Variants in ZNF444 observed in about 807,000 individuals in gnomAD.
The protein encoded by ZNF444 is endothelial zinc finger protein 2.
In ZNF444, 8 loss-of-function variants were observed where a neutral mutation model predicts 14.4. The observed-to-expected ratio is 0.56, with a 90% CI of 0.33 to 1.00. ZNF444 has a LOEUF of 1.00. ZNF444 is among the 50% of genes least tolerant of loss of function. ZNF444 has a pLI of 0.03. For missense variants in ZNF444, 510 were observed against 504.8 expected (o/e 1.01, Z -0.10); for synonymous variants, 258 against 235.9 (o/e 1.09, Z -0.86).
At position 56,144,361 on chromosome 19, in the gene ZNF444, T is replaced by C. The variant is rs575489732; in HGVS notation, c.-196-1886T>C. On this transcript the variant is annotated intron_variant, in intron 1 of 4. Coordinates refer to ENST00000337080, the MANE Select transcript of ZNF444 (RefSeq NM_018337.4). This position sits in a 1 kb window ranked among gnomAD's most constrained non-coding sequence, Gnocchi z 4.0. ...TCCATTGTGGCTGGAGTATAGAGAA[T>C]CTGGGAGCAGGCAGAGATGAGAAAG... Among the ~76,000 whole-genome samples the C allele has an allele frequency of 1.9e-4, 28 of 150,614 alleles. No individual in the cohort carries two copies. The highest frequency in any genetic ancestry group is 6.6e-4 in the African/African-American group (27 of 41,116).
At chr19:56,146,751 C>A in intron 2 of ZNF444, 139 bp from the exon 3 acceptor site, 2 of 652,716 alleles carry the variant, frequency 3.1e-6, no homozygotes, top group African/African-American at 1.9e-5. Flanking sequence ...TCCGCCACTG[C>A]ACTCCAACCT....
At chr19:56,157,537 T>G (rs2031986268) in intron 3 of ZNF444, 1 of 152,210 alleles carries the variant, frequency 6.6e-6, no homozygotes, top group Admixed American at 6.6e-5. Flanking sequence ...CCGAGTAGCT[T>G]TGATTACAGG....
chr19:56,156,642 G>GA (rs1472035371), intron 3 of ZNF444: 1 of 152,296 alleles, frequency 6.6e-6, no homozygotes, highest in African/African-American at 2.4e-5. Flanking sequence ...AGGTCAGGGA[G>GA]AGACTCTTTT....
At chr19:56,134,116 G>C (rs544994006) in intron 1 of ZNF444, among the ~76,000 whole-genome samples, 3 of 151,860 alleles carry the variant, frequency 2.0e-5, no homozygotes, top group Admixed American at 6.6e-5. Context: ...TCACTCATGC[G>C]TCCATCATCC....
At position 56,145,151 on chromosome 19, in the gene ZNF444, C is replaced by T. The variant is rs916711375; in HGVS notation, c.-196-1096C>T. Among the ~76,000 whole-genome samples the T allele has an allele frequency of 6.6e-6, 1 of 152,226 alleles. No individual in the cohort carries two copies. The highest frequency in any genetic ancestry group is 1.9e-4 in the East Asian group (1 of 5,200). ...CTCAGAGACCACCATTTCTCAAATG[C>T]TTTGAAGTCAGGACTCCTTTCTGCC... On this transcript the variant is annotated intron_variant, in intron 1 of 4. Coordinates refer to ENST00000337080, the MANE Select transcript of ZNF444 (RefSeq NM_018337.4). This position sits in a 1 kb window ranked among gnomAD's most constrained non-coding sequence, Gnocchi z 4.3.
In ZNF444 at chr19:56,159,929, C is replaced by A; in HGVS notation, c.712C>A (p.Pro238Thr). The A allele has an allele frequency of 6.7e-7, 1 of 1,497,576 alleles. No individual in the cohort carries two copies. 92.8% of individuals were successfully genotyped at this position (1,497,576 alleles called of 1,614,324 possible). Reference sequence around the variant, plus strand: ...CCCCGGCAGCCCCGGCAGCCCCGGGCCCGCGCTGCGCCCTCTGCCCGCCCG... The same window carrying A: ...CCCCGGCAGCCCCGGCAGCCCCGGGACCGCGCTGCGCCCTCTGCCCGCCCG... Reference protein sequence around the residue: ...THPGSPGSPGPALRPLPAREK... With the variant: ...THPGSPGSPGTALRPLPAREK... The change falls in exon 5 of 5, where the codon CCC becomes ACC. Residue 238 changes from proline to threonine, a missense_variant. Coordinates refer to ENST00000337080, the MANE Select transcript of ZNF444 (RefSeq NM_018337.4).
intron 4 of ZNF444, among the ~76,000 whole-genome samples, chr19:56,158,980 T>C (rs2032083539): frequency 6.6e-6 from 1 of 151,550 alleles, no homozygotes; most frequent in South Asian, 2.1e-4. Flanking sequence ...CACCCATCTA[T>C]CCATGACCCA....
At chr19:56,159,121 ATCCG>A (rs1016903534) in intron 4 of ZNF444, among the ~76,000 whole-genome samples, 16 of 145,176 alleles carry the variant, frequency 1.1e-4, no homozygotes, top group African/African-American at 3.4e-4. Context: ...TCCATCACCC[ATCCG>A]TCCATCTAGT....
At position 56,159,771 on chromosome 19, in the gene ZNF444, G is replaced by A; in HGVS notation, c.554G>A (p.Gly185Asp). The A allele has an allele frequency of 6.3e-7, 1 of 1,593,260 alleles. No homozygotes were observed. The highest frequency in any genetic ancestry group is 1.1e-5 in the South Asian group (1 of 88,758). Residue 185 changes from glycine to aspartate, a missense_variant, in exon 5 of 5, where the codon GGC (glycine) becomes GAC (aspartate). By Grantham distance (94) the Gly-to-Asp change is moderately conservative. Coordinates refer to ENST00000337080, the MANE Select transcript of ZNF444 (RefSeq NM_018337.4). ...APGTTSCPEC[G>D]KTSLKPAHLL... ...GGCACCACGTCCTGCCCCGAGTGCG[G>A]CAAAACGTCCCTGAAACCAGCTCAC...
chr19:56,143,752 C>T (rs114819371), intron 1 of ZNF444, among the ~76,000 whole-genome samples: 5 of 152,224 alleles, frequency 3.3e-5, no homozygotes, highest in African/African-American at 1.2e-4. Flanking sequence ...AGTCAGCACA[C>T]AGATATCGTA....
chr19:56,139,241 A>G, upstream of ZNF444, among the ~76,000 whole-genome samples: 1 of 152,118 alleles, frequency 6.6e-6, no homozygotes. Flanking sequence ...GAGGCAGAAG[A>G]GGCGAGAGTG....
At chr19:56,149,493 ATTTTAC>A (rs1482171200) in intron 3 of ZNF444, among the ~76,000 whole-genome samples, 1 of 151,798 alleles carries the variant, frequency 6.6e-6, no homozygotes, top group Non-Finnish European at 1.5e-5. Context: ...TTATTTATTT[ATTTTAC>A]TTTAAGTTCT....
intron 3 of ZNF444, chr19:56,154,445 G>C (rs750776622): frequency 3.9e-5 from 6 of 152,268 alleles, no homozygotes; most frequent in Non-Finnish European, 7.3e-5. Context: ...GGGATTACAG[G>C]TGCATGTCAC....
Position 56,147,146 on chromosome 19 carries a change from T to C in ZNF444, c.235T>C (p.Trp79Arg). 2 of 1,530,196 alleles carry C rather than the reference T, an allele frequency of 1.3e-6. No individual in the cohort carries two copies. Among genetic ancestry groups the C allele is most frequent in the East Asian group, 2.5e-5 (1 of 40,150 alleles). The allele number at this position is 1,530,196 out of a possible 1,614,324, so 94.8% of individuals were successfully genotyped here. A position where few individuals can be genotyped will look rare whatever the true frequency, so the allele number is the denominator to read the frequency against. ...CGCGCTGCCCGCCGACACGCAGGCC[T>C]GGGTGTGCAGCCGGCAGCCGCAGAG... The part of the protein sequence containing the change: ...LSALPADTQA[W>R]VCSRQPQSGE... Residue 79 changes from tryptophan (W) to arginine (R), a missense_variant, in exon 3 of 5, where the codon TGG becomes CGG. Coordinates refer to ENST00000337080, the MANE Select transcript of ZNF444 (RefSeq NM_018337.4). This position sits in a 1 kb window ranked among gnomAD's most constrained non-coding sequence, Gnocchi z 5.9.
chr19:56,136,492 A>G (rs2030614131), upstream of ZNF444, among the ~76,000 whole-genome samples: 1 of 152,176 alleles, frequency 6.6e-6, no homozygotes, highest in Non-Finnish European at 1.5e-5. Flanking sequence ...TCAACTTTGC[A>G]TTTGAGCTGG....
rs2031176148 is a variant in ZNF444, at chr19:56,146,312, C to G, written c.-131C>G. ...CCAGGGGCCCAGGGCAGGACCCAGC[C>G]TGGACTTGACTCCCTGGGATCCCAG... is the stretch of plus-strand genomic sequence containing the variant. On this transcript the variant is annotated 5_prime_UTR_variant, in exon 2 of 5. Transcript: ENST00000337080. The G allele has an allele frequency of 6.6e-6, 1 of 152,446 alleles. No homozygotes were observed. Among genetic ancestry groups the G allele is most frequent in the East Asian group, 1.9e-4 (1 of 5,192 alleles). The allele number at this position is 152,446 out of a possible 1,614,324, so 9.4% of individuals were successfully genotyped here.
chr19:56,148,159 T>C (rs1568554212), intron 3 of ZNF444, among the ~76,000 whole-genome samples: 1 of 152,206 alleles, frequency 6.6e-6, no homozygotes. Context: ...ATCCTTTCAG[T>C]AGTGGCACTC....
rs758088529 is a variant in ZNF444 at position 56,160,277 on chromosome 19, G to A, written c.*76G>A. ...TACCTGCTCTCTCCCAGCGCCACTT[G>A]GCCTCTTCCTCTCCTCCTTCCCTCC... is the stretch of plus-strand genomic sequence containing the variant. On this transcript the variant is annotated 3_prime_UTR_variant, in exon 5 of 5. Transcript: ENST00000337080. The A allele has an allele frequency of 3.3e-5, 40 of 1,225,556 alleles. No individual in the cohort carries two copies. Among genetic ancestry groups the A allele is most frequent in the Admixed American group, 7.7e-5 (2 of 26,056 alleles). The allele number at this position is 1,225,556 out of a possible 1,614,324, so 75.9% of individuals were successfully genotyped here.
At chr19:56,159,284 C>T (rs1438110536) in intron 4 of ZNF444, among the ~76,000 whole-genome samples, 3 of 152,058 alleles carry the variant, frequency 2.0e-5, no homozygotes, top group South Asian at 2.1e-4. Context: ...CATCCACCCA[C>T]GCATTCTTCA....
Sources: gnomAD v4.1 joint callset for allele counts (sites outside exome capture counted in the v4.1 genomes callset) on GRCh38, gnomAD v4.1.1 for gene constraint, Gnocchi (gnomAD v3.1) non-coding constraint, MANE v1.5 for transcripts, NCBI Gene and HGNC (gene_info 2026-07-23, HGNC 2026-07-21) for gene names.